The following PTPRF variants were observed in gnomAD, a reference collection of about 807,000 sequenced individuals.
PTPRF encodes receptor-type tyrosine-protein phosphatase F.
In PTPRF, 59 loss-of-function variants were observed where a neutral mutation model predicts 201.8. The observed-to-expected ratio is 0.29, with a 90% confidence interval of 0.24 to 0.36. PTPRF has a LOEUF of 0.36. PTPRF is among the 10% of genes least tolerant of loss of function. PTPRF has a pLI of 1.00. For missense variants in PTPRF, 2,132 were observed against 2,690.5 expected, an observed-to-expected ratio of 0.79 and a Z score of 4.59; for synonymous variants, 1,088 against 1,089.7, an observed-to-expected ratio of 1.00 and a Z score of 0.03.
At chr1:43,525,665 C>T (rs1016153992), upstream of PTPRF, among the ~76,000 whole-genome samples, 1 of 151,740 alleles carries the variant, frequency 6.6e-6, no homozygotes, top group Non-Finnish European at 1.5e-5. Flanking sequence ...ATTAGCTGGG[C>T]GTGGTGGCGG....
chr1:43,584,650 G>C (rs1334066712), intron 7 of PTPRF, among the ~76,000 whole-genome samples: 1 of 152,212 alleles, frequency 6.6e-6, no homozygotes, highest in East Asian at 1.9e-4. Flanking sequence ...GATTTGCCGG[G>C]CTGGTAATTT....
In PTPRF at chr1:43,606,808, C is replaced by A; in HGVS notation, c.3703-6C>A. On this transcript the variant is annotated splice_polypyrimidine_tract_variant and splice_region_variant and intron_variant, in intron 20 of 33. Coordinates refer to ENST00000359947, the MANE Select transcript of PTPRF (RefSeq NM_002840.5). Reference sequence around the variant, plus strand: ...TCACAGCCTGCTGTTCTCCACCGGGCCACAGAAGCGCTATGCCTCCAGCCC... The same window carrying A: ...TCACAGCCTGCTGTTCTCCACCGGGACACAGAAGCGCTATGCCTCCAGCCC... 1 of 1,612,412 alleles carries A rather than the reference C, an allele frequency of 6.2e-7. No individual in the cohort carries two copies. The highest frequency in any genetic ancestry group is 8.5e-7 in the Non-Finnish European group (1 of 1,179,380).
intron 6 of PTPRF, among the ~76,000 whole-genome samples, chr1:43,577,230 C>T (rs1003642082): frequency 2.6e-5 from 4 of 152,212 alleles, no homozygotes; most frequent in Admixed American, 6.5e-5. Flanking sequence ...AGGGCAGCCT[C>T]GACCCCTCAG....
chr1:43,529,562 C>T (rs1042182404), upstream of PTPRF, among the ~76,000 whole-genome samples: 3 of 152,152 alleles, frequency 2.0e-5, no homozygotes, highest in Admixed American at 6.5e-5. Flanking sequence ...TCTTTTTCTG[C>T]TCAGTTACCT....
At chr1:43,613,470 C>T in intron 22 of PTPRF, 148 bp from the exon 23 acceptor site, 1 of 704,032 alleles carries the variant, frequency 1.4e-6, no homozygotes, top group South Asian at 1.6e-5. Flanking sequence ...ATCCCTGTCG[C>T]CGCATGTGCT....
At chr1:43,522,156 A>G (rs1461166671), upstream of PTPRF, among the ~76,000 whole-genome samples, 7 of 152,122 alleles carry the variant, frequency 4.6e-5, no homozygotes, top group Admixed American at 4.6e-4. Flanking sequence ...TTCCCCCAGG[A>G]ACCCTTGCTT....
At position 43,602,052 on chromosome 1, in the gene PTPRF, C is replaced by G; in HGVS notation, c.2314-19C>G. ...CCTTCACCATCCTGTCTCCCTTTCTCTCCCTCTCCCGCGGTCAGTGGCGGC... is the reference window on the plus strand; with the variant it reads ...CCTTCACCATCCTGTCTCCCTTTCTGTCCCTCTCCCGCGGTCAGTGGCGGC... On this transcript the variant is annotated intron_variant, in intron 13 of 33. Transcript: ENST00000359947. The G allele has an allele frequency of 6.2e-7, 1 of 1,611,520 alleles. No homozygotes were observed. Among genetic ancestry groups the G allele is most frequent in the Non-Finnish European group, 8.5e-7 (1 of 1,177,588 alleles).
chr1:43,620,688 G>A, intron 31 of PTPRF, 109 bp downstream of exon 31: 1 of 1,535,884 alleles, frequency 6.5e-7, no homozygotes, highest in Non-Finnish European at 8.8e-7. Context: ...GGCGGTGGGT[G>A]GGTATTAGGG....
chr1:43,545,961 G>A lies in PTPRF; in HGVS notation c.91+795G>A, dbSNP rs143191994. 3.2e-4 allele frequency among the ~76,000 whole-genome samples: 48 copies of A among 152,264 alleles called. No homozygotes were observed. In the East Asian group the frequency reaches 5.2e-3, roughly 17 times the overall value. On this transcript the variant is annotated intron_variant, in intron 3 of 33. Transcript: ENST00000359947. ...CACTCCTTGGTTACTGGTGGGAGGCGGGGCACAGGGCAGATTTAGCCAATC... is the reference window on the plus strand; with the variant it reads ...CACTCCTTGGTTACTGGTGGGAGGCAGGGCACAGGGCAGATTTAGCCAATC...
chr1:43,612,701 A>G, intron 22 of PTPRF: 1 of 1,299,052 alleles, frequency 7.7e-7, no homozygotes, highest in Non-Finnish European at 1.0e-6. Context: ...AAGCAGAAAA[A>G]GTTAACGGGC....
At chr1:43,604,269 T>C in intron 16 of PTPRF, 80 bp downstream of exon 16, 1 of 1,430,710 alleles carries the variant, frequency 7.0e-7, no homozygotes, top group Non-Finnish European at 9.5e-7. Context: ...CACTGACCTC[T>C]GGCGACTGTG....
Position 43,545,082 on chromosome 1 carries a change from C to A in PTPRF, c.7C>A (p.Pro3Thr). 1 of 1,577,478 alleles carries A rather than the reference C, an allele frequency of 6.3e-7. No individual in the cohort carries two copies. Among genetic ancestry groups the A allele is most frequent in the East Asian group, 2.3e-5 (1 of 42,754 alleles). The change falls in exon 3 of 34, where the codon CCT (proline) becomes ACT (threonine). Residue 3 changes from proline (P) to threonine (T), a missense_variant. By Grantham distance (38) the Pro-to-Thr change is conservative. Transcript: ENST00000359947. ...TGTGGAGCTAGAGCCCTGGATGGCC[C>A]CTGAGCCAGCCCCAGGGAGGACGAT... is the stretch of plus-strand genomic sequence containing the variant. MA[P>T]EPAPGRTMVP...
chr1:43,608,448 G>A (rs1183526553), intron 21 of PTPRF, among the ~76,000 whole-genome samples: 2 of 152,210 alleles, frequency 1.3e-5, no homozygotes, highest in African/African-American at 4.8e-5. Context: ...GCTTTAAGCA[G>A]CAAACTGTCC....
At chr1:43,536,789 G>T (rs1310612589) in intron 1 of PTPRF, among the ~76,000 whole-genome samples, 1 of 152,218 alleles carries the variant, frequency 6.6e-6, no homozygotes, top group Non-Finnish European at 1.5e-5. Context: ...AGGGCTGCGG[G>T]TTCTGGTGCA....
chr1:43,540,384 GGTGA>G (rs1644286367), intron 2 of PTPRF, among the ~76,000 whole-genome samples: 1 of 152,164 alleles, frequency 6.6e-6, no homozygotes. Context: ...AGTTCTGAGG[GGTGA>G]GTGAGTGCTG....
At chr1:43,590,706 G>A (rs1313068968) in intron 8 of PTPRF, among the ~76,000 whole-genome samples, 1 of 152,210 alleles carries the variant, frequency 6.6e-6, no homozygotes, top group Non-Finnish European at 1.5e-5. Flanking sequence ...TGTGCTGATG[G>A]GAGGGTCCAG....
At chr1:43,583,495 C>T (rs1489069816) in intron 7 of PTPRF, among the ~76,000 whole-genome samples, 1 of 152,184 alleles carries the variant, frequency 6.6e-6, no homozygotes, top group Non-Finnish European at 1.5e-5. Flanking sequence ...GCTTTGTGTG[C>T]ACCTGTGGGA....
At chr1:43,574,384 A>G (rs1301397420) in intron 6 of PTPRF, among the ~76,000 whole-genome samples, 1 of 152,196 alleles carries the variant, frequency 6.6e-6, no homozygotes, top group Non-Finnish European at 1.5e-5. Flanking sequence ...TTTTAAAATA[A>G]TAAAAACCTA....
At chr1:43,587,863 C>T (rs578261185) in intron 7 of PTPRF, among the ~76,000 whole-genome samples, 111 of 152,162 alleles carry the variant, frequency 7.3e-4, no homozygotes, top group Non-Finnish European at 1.2e-3. Context: ...ACTTCGGGGG[C>T]GGGTGGTTCT....
Sources: allele counts gnomAD v4.1 joint callset (sites outside exome capture counted in the v4.1 genomes callset), GRCh38; gene constraint gnomAD v4.1.1; transcripts MANE v1.5; gene names NCBI Gene and HGNC (gene_info 2026-07-23, HGNC 2026-07-21).